RBPMS2: variants seen among roughly 807,000 people sequenced by gnomAD.
RBPMS2 encodes the protein RNA-binding protein with multiple splicing 2.
A neutral mutation model predicts 25.7 loss-of-function variants in RBPMS2; 14 were observed. The observed-to-expected ratio is 0.55, with a 90% CI of 0.36 to 0.85. RBPMS2 has a LOEUF of 0.85. Ranked by LOEUF, RBPMS2 falls within the 40% of genes least tolerant of loss-of-function variation. RBPMS2 has a pLI of 0.01. For synonymous variants in RBPMS2, 127 were observed against 115.6 expected (o/e 1.10, Z -0.63); for missense variants, 252 against 283.4 (o/e 0.89, Z 0.80).
intron 6 of RBPMS2, among the ~76,000 whole-genome samples, chr15:64,743,708 A>C (rs1481707255): frequency 1.3e-5 from 2 of 152,224 alleles, no homozygotes; most frequent in Non-Finnish European, 2.9e-5. Context: ...GGGCTGCTTC[A>C]AAACAAAGAG....
intron 6 of RBPMS2, 28 bp from the exon 7 acceptor site, chr15:64,741,270 A>AG: frequency 6.4e-7 from 1 of 1,557,480 alleles, no homozygotes; most frequent in Non-Finnish European, 8.7e-7. Context: ...GTCAGGAGCC[A>AG]GCTGTGCATC....
chr15:64,773,055 G>A (rs1233857807), intron 1 of RBPMS2, among the ~76,000 whole-genome samples: 1 of 152,180 alleles, frequency 6.6e-6, no homozygotes, highest in East Asian at 1.9e-4. Context: ...GTCTTACGGC[G>A]TGCAGCAGCA....
intron 1 of RBPMS2, among the ~76,000 whole-genome samples, chr15:64,757,776 G>A (rs1392410553): frequency 6.6e-6 from 1 of 150,560 alleles, no homozygotes; most frequent in Non-Finnish European, 1.5e-5. Flanking sequence ...GAACAGGCTG[G>A]ATGCTCCAAC....
chr15:64,755,100 T>C (rs2083720865), intron 1 of RBPMS2, among the ~76,000 whole-genome samples: 1 of 152,112 alleles, frequency 6.6e-6, no homozygotes, highest in African/African-American at 2.4e-5. Flanking sequence ...GCCTCTTAAA[T>C]AGCAAGTTCT....
At chr15:64,747,716 G>A (rs879695227) in intron 6 of RBPMS2, among the ~76,000 whole-genome samples, 5 of 152,256 alleles carry the variant, frequency 3.3e-5, no homozygotes, top group Admixed American at 3.3e-4. Flanking sequence ...ATGGCCAGGG[G>A]AAAGCCTGAC....
chr15:64,770,468 T>C (rs1015638880), intron 1 of RBPMS2, among the ~76,000 whole-genome samples: 1 of 152,172 alleles, frequency 6.6e-6, no homozygotes, highest in Non-Finnish European at 1.5e-5. Context: ...CTGGCATAAA[T>C]ACAACATACA....
At chr15:64,755,830 G>A (rs983296246) in intron 1 of RBPMS2, among the ~76,000 whole-genome samples, 3 of 69,838 alleles carry the variant, frequency 4.3e-5, no homozygotes, top group Admixed American at 1.6e-4. Flanking sequence ...CATCAAGCCC[G>A]CCCAGCCCAC....
At chr15:64,755,071 T>C (rs1257676730) in intron 1 of RBPMS2, among the ~76,000 whole-genome samples, 3 of 152,314 alleles carry the variant, frequency 2.0e-5, no homozygotes, top group East Asian at 1.9e-4. Flanking sequence ...GGCTCCTTTC[T>C]GGCCAGACCT....
chr15:64,743,021 C>T (rs115548939), intron 6 of RBPMS2, among the ~76,000 whole-genome samples: 35 of 152,342 alleles, frequency 2.3e-4, no homozygotes, highest in African/African-American at 8.2e-4. Context: ...AAGAGAGGGA[C>T]ACACGAGGAA....
At chr15:64,759,365 G>A (rs2083761469) in intron 1 of RBPMS2, among the ~76,000 whole-genome samples, 1 of 152,186 alleles carries the variant, frequency 6.6e-6, no homozygotes, top group South Asian at 2.1e-4. Flanking sequence ...AGGTCACCCA[G>A]CCCTCTCTTT....
At chr15:64,772,446 G>T (rs190365279) in intron 1 of RBPMS2, among the ~76,000 whole-genome samples, 3 of 151,942 alleles carry the variant, frequency 2.0e-5, no homozygotes, top group African/African-American at 7.2e-5. Context: ...CTTTCAAAGG[G>T]TATCAAAGCT....
chr15:64,743,868 G>A, intron 6 of RBPMS2, among the ~76,000 whole-genome samples: 1 of 152,200 alleles, frequency 6.6e-6, no homozygotes, highest in South Asian at 2.1e-4. Flanking sequence ...ACTCTAGGAG[G>A]CAGAGGTGGG....
chr15:64,758,887 C>T (rs2083756649), intron 1 of RBPMS2, among the ~76,000 whole-genome samples: 1 of 152,190 alleles, frequency 6.6e-6, no homozygotes, highest in South Asian at 2.1e-4. Flanking sequence ...TCCCGCCAGC[C>T]AGTGCTAGAC....
In RBPMS2 at chr15:64,775,265, C is replaced by A; in HGVS notation, c.55G>T (p.Gly19Cys). Reference protein sequence around the residue: ...EHGGSTGTGSGAGSGGALEEE... With the variant: ...EHGGSTGTGSCAGSGGALEEE... ...TCCAGGGCGCCGCCGGAGCCCGCGCCGGAGCCGGTGCCGGTGCTGCCGCCG... is the reference window on the plus strand; with the variant it reads ...TCCAGGGCGCCGCCGGAGCCCGCGCAGGAGCCGGTGCCGGTGCTGCCGCCG... The change falls in exon 1 of 8, where the codon GGC becomes TGC. Residue 19 changes from glycine to cysteine, a missense_variant. Transcript: ENST00000300069. 7.5e-7 allele frequency: 1 copy of A among 1,341,104 alleles called. No individual in the cohort carries two copies. Among genetic ancestry groups the A allele is most frequent in the Non-Finnish European group, 9.6e-7 (1 of 1,039,866 alleles). The allele number at this position is 1,341,104 out of a possible 1,614,324, so 83.1% of individuals were successfully genotyped here. A position where few individuals can be genotyped will look rare whatever the true frequency, so the allele number is the denominator to read the frequency against.
intron 1 of RBPMS2, among the ~76,000 whole-genome samples, chr15:64,769,625 A>T (rs1301135528): frequency 6.6e-6 from 1 of 151,966 alleles, no homozygotes; most frequent in Non-Finnish European, 1.5e-5. Flanking sequence ...GCGCCACTGC[A>T]CTTCAGCCTG....
At chr15:64,745,071 C>T (rs952769145) in intron 6 of RBPMS2, among the ~76,000 whole-genome samples, 4 of 151,948 alleles carry the variant, frequency 2.6e-5, no homozygotes, top group Non-Finnish European at 5.9e-5. Flanking sequence ...ACCTCGGCCT[C>T]CCAAAGTACT....
In RBPMS2 at chr15:64,751,609, A is replaced by T; in HGVS notation, c.117T>A (p.Pro39=). 6.2e-7 allele frequency: 1 copy of T among 1,614,000 alleles called. No individual in the cohort carries two copies. ...AGAGTTCTCTGGGTTTAATGTCCAC[A>T]GGGAGGCCGCTGACAAACAGTGTCC... The part of the protein sequence containing the change: ...EVRTLFVSGL[P]VDIKPRELYL... The change falls in exon 2 of 8, where the codon CCT becomes CCA. Residue 39 remains proline (P), a synonymous_variant. Coordinates refer to ENST00000300069, the MANE Select transcript of RBPMS2 (RefSeq NM_194272.3).
chr15:64,748,313 T>C (rs2083637933), intron 6 of RBPMS2, 106 bp downstream of exon 6: 8 of 1,208,992 alleles, frequency 6.6e-6, no homozygotes, highest in Non-Finnish European at 9.3e-6. Context: ...AAGACAAGAG[T>C]TCTGCTGCAG....
In RBPMS2 at chr15:64,775,371, G is replaced by T; in HGVS notation, c.-52C>A. 8.9e-7 allele frequency: 1 copy of T among 1,121,362 alleles called. No individual in the cohort carries two copies. Among genetic ancestry groups the T allele is most frequent in the Non-Finnish European group, 1.1e-6 (1 of 888,508 alleles). The allele number at this position is 1,121,362 out of a possible 1,614,324, so 69.5% of individuals were successfully genotyped here. ...GAACGCGAGGGCGAGCGCGGCGCCG[G>T]CCCCGCGGGAAGTGGGAAGGGGCGC... is the stretch of plus-strand genomic sequence containing the variant. On this transcript the variant is annotated 5_prime_UTR_variant, in exon 1 of 8. Transcript: ENST00000300069.
Sources: allele counts gnomAD v4.1 joint callset (sites outside exome capture counted in the v4.1 genomes callset), GRCh38; gene constraint gnomAD v4.1.1; transcripts MANE v1.5; gene names NCBI Gene and HGNC (gene_info 2026-07-23, HGNC 2026-07-21).